CNPY1: variants seen among roughly 807,000 people sequenced by gnomAD.
CNPY1 encodes the protein canopy FGF signaling regulator 1, also known as protein canopy homolog 1.
CNPY1 carries 14 observed loss-of-function variants against 14.4 expected under a neutral mutation model. The observed-to-expected ratio is 0.97, with a 90% CI of 0.64 to 1.52. CNPY1 has a LOEUF of 1.52. Among genes scored for constraint, CNPY1 ranks in the 40% most tolerant of loss-of-function variants. CNPY1 has a pLI of 0.00. For synonymous variants in CNPY1, 43 were observed against 46.5 expected, an observed-to-expected ratio of 0.92 and a Z score of 0.31; for missense variants, 129 against 131.5, an observed-to-expected ratio of 0.98 and a Z score of 0.09.
chr7:155,502,003 T>TGGGGGGGGGGGGG lies in CNPY1; in HGVS notation c.*1064_*1065insCCCCCCCCCCCCC, dbSNP rs60236629. 1 of 125,322 alleles carries TGGGGGGGGGGGGG rather than the reference T, an allele frequency of 8.0e-6. No individual in the cohort carries two copies. Among genetic ancestry groups the TGGGGGGGGGGGGG allele is most frequent in the Non-Finnish European group, 1.7e-5 (1 of 60,132 alleles). 7.8% of individuals were successfully genotyped at this position (125,322 alleles called of 1,614,324 possible). Reference sequence around the variant, plus strand: ...GCAAAGAGTTTTGGGTCGGGGGGGTTGGGGGGGGGATTTGTAGCATCCTAC... The same window carrying TGGGGGGGGGGGGG: ...GCAAAGAGTTTTGGGTCGGGGGGGTTGGGGGGGGGGGGGGGGGGGGGGATTTGTAGCATCCTAC... On this transcript the variant is annotated 3_prime_UTR_variant, in exon 5 of 5. Transcript: ENST00000636446.
chr7:155,513,471 T>C (rs1170947459), intron 2 of CNPY1, among the ~76,000 whole-genome samples: 1 of 152,130 alleles, frequency 6.6e-6, no homozygotes, highest in Non-Finnish European at 1.5e-5. Context: ...ATAATATACT[T>C]AATGAAAATA....
At chr7:155,516,270 G>A (rs1220754044) in intron 2 of CNPY1, among the ~76,000 whole-genome samples, 3 of 152,202 alleles carry the variant, frequency 2.0e-5, no homozygotes, top group Non-Finnish European at 4.4e-5. Context: ...TCTGAATGAT[G>A]GCAGAATATG....
chr7:155,520,578 C>T (rs1002472468), intron 2 of CNPY1, among the ~76,000 whole-genome samples: 3 of 152,050 alleles, frequency 2.0e-5, no homozygotes, highest in Admixed American at 1.3e-4. Context: ...GCTGGGATTA[C>T]AGCAGTTGTC....
intron 2 of CNPY1, among the ~76,000 whole-genome samples, chr7:155,515,504 C>T (rs1265515875): frequency 2.0e-5 from 3 of 152,154 alleles, no homozygotes; most frequent in Non-Finnish European, 2.9e-5. Flanking sequence ...CCTAGGGACC[C>T]GGGGACCGCA....
At chr7:155,544,179 G>A (rs1160037710) in intron 2 of CNPY1, among the ~76,000 whole-genome samples, 2 of 151,912 alleles carry the variant, frequency 1.3e-5, no homozygotes, top group African/African-American at 4.9e-5. Context: ...CCCAGTCCCT[G>A]CACGGCCCTC....
intron 2 of CNPY1, among the ~76,000 whole-genome samples, chr7:155,509,923 A>C (rs1159469933): frequency 1.3e-5 from 2 of 152,140 alleles, no homozygotes; most frequent in East Asian, 1.9e-4. Flanking sequence ...CCGTCTAGAC[A>C]GGTCAAGGTG....
In CNPY1 at chr7:155,502,841, G is replaced by A. The variant is rs1796162142; in HGVS notation, c.*227C>T. The A allele has an allele frequency of 2.0e-6, 1 of 508,942 alleles. No homozygotes were observed. The highest frequency in any genetic ancestry group is 1.9e-5 in the African/African-American group (1 of 52,258). 31.5% of individuals were successfully genotyped at this position (508,942 alleles called of 1,614,324 possible). ...AGCTTGATTTATCAAAATCTGCAAAGGTTAATTTAAGTTTCATGTACTCCT... is the reference window on the plus strand; with the variant it reads ...AGCTTGATTTATCAAAATCTGCAAAAGTTAATTTAAGTTTCATGTACTCCT... On this transcript the variant is annotated 3_prime_UTR_variant, in exon 5 of 5. Transcript: ENST00000636446.
At chr7:155,546,353 T>A (rs1797156725) in intron 1 of CNPY1, 76 bp downstream of exon 1, 1 of 83,074 alleles carries the variant, frequency 1.2e-5, no homozygotes, top group Admixed American at 2.5e-4. Flanking sequence ...ACCCGGCTAA[T>A]TTTTTTTTTT....
At chr7:155,530,296 C>CTTTT (rs11386824) in intron 2 of CNPY1, among the ~76,000 whole-genome samples, 992 of 96,810 alleles carry the variant, frequency 0.01, 16 homozygotes, top group East Asian at 0.013. Context: ...CCAGCAGGGT[C>CTTTT]TTTTTTTTTT....
At chr7:155,539,020 A>G (rs965146437) in intron 2 of CNPY1, among the ~76,000 whole-genome samples, 6 of 152,150 alleles carry the variant, frequency 3.9e-5, no homozygotes, top group Admixed American at 2.6e-4. Flanking sequence ...AGGGGCCAGG[A>G]GCCAGCTTCG....
intron 2 of CNPY1, among the ~76,000 whole-genome samples, chr7:155,535,288 C>CA (rs1797010180): frequency 6.6e-6 from 1 of 152,186 alleles, no homozygotes; most frequent in Non-Finnish European, 1.5e-5. Flanking sequence ...ATGTGCCCTG[C>CA]CTCCAGGAAG....
At chr7:155,514,504 G>A (rs915897454) in intron 2 of CNPY1, among the ~76,000 whole-genome samples, 3 of 152,206 alleles carry the variant, frequency 2.0e-5, no homozygotes, top group Non-Finnish European at 4.4e-5. Context: ...CCCCAACCTA[G>A]AAGAGCGGAA....
chr7:155,526,641 G>T (rs1026394366), intron 2 of CNPY1, among the ~76,000 whole-genome samples: 2 of 152,206 alleles, frequency 1.3e-5, no homozygotes, highest in East Asian at 3.8e-4. Flanking sequence ...TGCACTGGTA[G>T]TCAATGAAAG....
chr7:155,525,070 C>T lies in CNPY1; in HGVS notation c.100-15973G>A, dbSNP rs1362700226. On this transcript the variant is annotated intron_variant, in intron 2 of 4. Coordinates refer to ENST00000636446, the MANE Select transcript of CNPY1 (RefSeq NM_001393663.1). Reference sequence around the variant, plus strand: ...TGCTATGCTACCATCACCTTTCTCTCTCTCTCAGCACTTCACACCCTCAGA... The same window carrying T: ...TGCTATGCTACCATCACCTTTCTCTTTCTCTCAGCACTTCACACCCTCAGA... 5.3e-5 allele frequency among the ~76,000 whole-genome samples: 8 copies of T among 152,240 alleles called. 1 individual carries two copies. In the East Asian group the frequency reaches 1.5e-3, roughly 29 times the overall value.
At chr7:155,537,287 G>A (rs7789203) in intron 2 of CNPY1, among the ~76,000 whole-genome samples, 2,040 of 152,204 alleles carry the variant, frequency 0.013, 40 homozygotes, top group African/African-American at 0.047. Context: ...AGCACCAAAG[G>A]ACACATGCAT....
In CNPY1 at chr7:155,507,101, C is replaced by T. The variant is rs775028734; in HGVS notation, c.319G>A (p.Glu107Lys). Reference sequence around the variant, plus strand: ...GAGGATATTTCATCTTCATACTCTTCTATTATAGTTTCACACTGTAGAAAC... The same window carrying T: ...GAGGATATTTCATCTTCATACTCTTTTATTATAGTTTCACACTGTAGAAAC... ...PLKFACETII[E>K]EYEDEISSLI... Residue 107 changes from glutamate (E) to lysine (K), a missense_variant, in exon 4 of 5, where the codon GAA (glutamate) becomes AAA (lysine). Transcript: ENST00000636446. The T allele has an allele frequency of 5.1e-5, 82 of 1,602,922 alleles. No individual in the cohort carries two copies. The highest frequency in any genetic ancestry group is 6.2e-5 in the Non-Finnish European group (73 of 1,170,744).
rs976254719 is a variant in CNPY1 at position 155,507,182 on chromosome 7, A to T, written c.304-66T>A. 1.3e-5 allele frequency: 13 copies of T among 963,326 alleles called. No individual in the cohort carries two copies. In the African/African-American group the frequency reaches 1.4e-4, roughly 11 times the overall value. 59.7% of individuals were successfully genotyped at this position (963,326 alleles called of 1,614,324 possible). On this transcript the variant is annotated intron_variant, in intron 3 of 4. Coordinates refer to ENST00000636446, the MANE Select transcript of CNPY1 (RefSeq NM_001393663.1). ...CTGGCGGGGCACTTTGTTAGGAAGGACTTTGCAACAATTTATTAGCTAAAC... is the reference window on the plus strand; with the variant it reads ...CTGGCGGGGCACTTTGTTAGGAAGGTCTTTGCAACAATTTATTAGCTAAAC...
chr7:155,524,831 G>C (rs1796791205), intron 2 of CNPY1, among the ~76,000 whole-genome samples: 1 of 110,824 alleles, frequency 9.0e-6, no homozygotes. Context: ...ACCGATCCCT[G>C]GTGCCATAAA....
At chr7:155,532,208 G>T (rs910869541) in intron 2 of CNPY1, among the ~76,000 whole-genome samples, 1 of 152,210 alleles carries the variant, frequency 6.6e-6, no homozygotes, top group Non-Finnish European at 1.5e-5. Context: ...AGCTAGCTTC[G>T]TGGGTTCTGC....
Sources: allele counts gnomAD v4.1 joint callset (sites outside exome capture counted in the v4.1 genomes callset), GRCh38; gene constraint gnomAD v4.1.1; transcripts MANE v1.5; gene names NCBI Gene and HGNC (gene_info 2026-07-23, HGNC 2026-07-21).